Variants in LPP observed in about 807,000 individuals in gnomAD.
LPP encodes lipoma-preferred partner.
In LPP, 38 loss-of-function variants were observed where a neutral mutation model predicts 60.4. The observed-to-expected ratio is 0.63, with a 90% CI of 0.49 to 0.83. The LOEUF is 0.83. LPP is among the 40% of genes least tolerant of loss of function. The probability of loss-of-function intolerance (pLI) is 0.00; values close to 1 mark genes in which losing one functional copy is unlikely to be tolerated. For missense variants in LPP, 902 were observed against 783.6 expected (o/e 1.15, Z -1.80); for synonymous variants, 328 against 290.8 (o/e 1.13, Z -1.30).
At chr3:188,574,811 A>T (rs571337727) in intron 6 of LPP, among the ~76,000 whole-genome samples, 260 of 152,196 alleles carry the variant, frequency 1.7e-3, no homozygotes, top group Non-Finnish European at 3.3e-3. Flanking sequence ...TTCTAATAGA[A>T]ATAAAGACAA....
At chr3:188,692,612 G>A (rs78349180) in intron 7 of LPP, among the ~76,000 whole-genome samples, 7,591 of 152,120 alleles carry the variant, frequency 0.05, 227 homozygotes, top group South Asian at 0.1. Context: ...ATTTTACTTC[G>A]GATTGATGGA....
At chr3:188,497,410 A>G (rs1810559175) in intron 5 of LPP, among the ~76,000 whole-genome samples, 1 of 152,184 alleles carries the variant, frequency 6.6e-6, no homozygotes, top group African/African-American at 2.4e-5. Context: ...TATTTTCTTC[A>G]TTATTCGTGA....
At chr3:188,582,004 C>T (rs555881143) in intron 6 of LPP, among the ~76,000 whole-genome samples, 6 of 152,076 alleles carry the variant, frequency 3.9e-5, no homozygotes, top group East Asian at 1.9e-4. Flanking sequence ...ATCTGTGGCA[C>T]AGTCAGGCCA....
intron 9 of LPP, among the ~76,000 whole-genome samples, chr3:188,862,712 C>CAAAAAAAAAAAAAAAAA (rs140751676): frequency 4.3e-4 from 24 of 55,620 alleles, no homozygotes; most frequent in East Asian, 1.4e-3. Context: ...CCCTACTAGA[C>CAAAAAAAAAAAAAAAAA]AAAAAAATAA....
At chr3:188,523,538 C>T (rs980999261) in intron 5 of LPP, among the ~76,000 whole-genome samples, 9 of 152,298 alleles carry the variant, frequency 5.9e-5, no homozygotes, top group South Asian at 2.1e-4. Context: ...TTCACTAAAA[C>T]GACAGATTGA....
chr3:188,638,526 A>C (rs1333836537), intron 7 of LPP, among the ~76,000 whole-genome samples: 2 of 147,020 alleles, frequency 1.4e-5, no homozygotes, highest in African/African-American at 5.1e-5. Flanking sequence ...GCAGTTAGGC[A>C]GGAGAAGGAA....
intron 7 of LPP, among the ~76,000 whole-genome samples, chr3:188,661,528 C>G (rs1218808913): frequency 6.6e-6 from 1 of 152,164 alleles, no homozygotes; most frequent in African/African-American, 2.4e-5. Context: ...TGTTGTCAGA[C>G]TTTTGGATTT....
At chr3:188,491,669 G>A (rs1032638599) in intron 5 of LPP, among the ~76,000 whole-genome samples, 15 of 152,158 alleles carry the variant, frequency 9.9e-5, no homozygotes, top group Non-Finnish European at 1.9e-4. Flanking sequence ...GGCTGGGTAG[G>A]CTCTTAGCAT....
intron 6 of LPP, among the ~76,000 whole-genome samples, chr3:188,590,805 G>A (rs977788263): frequency 2.0e-5 from 3 of 152,144 alleles, no homozygotes; most frequent in African/African-American, 7.2e-5. Flanking sequence ...CTGGAATTAA[G>A]TTATATTTAA....
chr3:188,164,436 T>C (rs75552458), intron 1 of LPP, among the ~76,000 whole-genome samples: 165 of 152,338 alleles, frequency 1.1e-3, no homozygotes, highest in African/African-American at 3.8e-3. Context: ...CATCTGCACT[T>C]GTACTTCCTA....
At position 188,484,653 on chromosome 3, in the gene LPP, T is replaced by C. The variant is rs758922734; in HGVS notation, c.255T>C (p.Ser85=). Residue 85 remains serine (S), a synonymous_variant, in exon 5 of 12, where the codon TCT becomes TCC. Coordinates refer to ENST00000617246, the MANE Select transcript of LPP (RefSeq NM_001375462.1). The part of the protein sequence containing the change: ...LDDSSALPSI[S]GNFPPPPPLD... ...ATTCCAGTGCCCTTCCATCTATCTC[T>C]GGAAACTTTCCTCCTCCACCACCTC... The C allele has an allele frequency of 8.7e-6, 14 of 1,613,994 alleles. No individual in the cohort carries two copies. Among genetic ancestry groups the C allele is most frequent in the Admixed American group, 1.7e-5 (1 of 60,004 alleles).
At chr3:188,846,829 T>G (rs914454323) in intron 9 of LPP, among the ~76,000 whole-genome samples, 2 of 152,016 alleles carry the variant, frequency 1.3e-5, no homozygotes, top group African/African-American at 4.8e-5. Context: ...TGCCAATGAG[T>G]TGGATTTCTC....
At chr3:188,371,641 A>ATATATATTTT (rs1553878071) in intron 3 of LPP, among the ~76,000 whole-genome samples, 2 of 32,172 alleles carry the variant, frequency 6.2e-5, no homozygotes, top group African/African-American at 1.2e-4. Context: ...ATATATATAT[A>ATATATATTTT]TTTTTTTTTT....
chr3:188,433,153 T>C (rs1277385003), intron 4 of LPP, among the ~76,000 whole-genome samples: 2 of 152,092 alleles, frequency 1.3e-5, no homozygotes, highest in Non-Finnish European at 2.9e-5. Context: ...AAATATATAT[T>C]AAGAATAAGG....
chr3:188,634,632 C>T (rs1019289922), intron 7 of LPP, among the ~76,000 whole-genome samples: 7 of 152,258 alleles, frequency 4.6e-5, no homozygotes, highest in Non-Finnish European at 1.0e-4. Context: ...CTCATAGGAG[C>T]GTGAACCCTA....
At chr3:188,351,556 T>C (rs796945128) in intron 3 of LPP, among the ~76,000 whole-genome samples, 5 of 152,216 alleles carry the variant, frequency 3.3e-5, no homozygotes, top group African/African-American at 1.2e-4. Context: ...ACATTCATTG[T>C]ATGTCTGTTA....
intron 1 of LPP, among the ~76,000 whole-genome samples, chr3:188,214,595 G>A (rs927307616): frequency 2.0e-5 from 3 of 152,176 alleles, no homozygotes; most frequent in Admixed American, 6.5e-5. Context: ...GAGGGGAAGC[G>A]ACTCTCTAAT....
intron 5 of LPP, among the ~76,000 whole-genome samples, chr3:188,513,258 G>A (rs1816348473): frequency 1.3e-5 from 2 of 152,180 alleles, no homozygotes. Context: ...CTGTGTGTGT[G>A]GACTAACTGG....
chr3:188,158,221 G>A (rs1244686425), intron 1 of LPP, among the ~76,000 whole-genome samples: 2 of 152,148 alleles, frequency 1.3e-5, no homozygotes, highest in South Asian at 2.1e-4. Flanking sequence ...TCATTGGTGG[G>A]TGGGACTTTT....
Sources: gnomAD v4.1 joint callset for allele counts (sites outside exome capture counted in the v4.1 genomes callset) on GRCh38, gnomAD v4.1.1 for gene constraint, MANE v1.5 for transcripts, NCBI Gene and HGNC (gene_info 2026-07-23, HGNC 2026-07-21) for gene names.